DEFB123: variants seen among roughly 807,000 people sequenced by gnomAD.
DEFB123 encodes the protein defensin beta 123.
For synonymous variants in DEFB123, 22 were observed against 28.3 expected, an observed-to-expected ratio of 0.78 and a Z score of 0.71; for missense variants, 71 against 75.0, an observed-to-expected ratio of 0.95 and a Z score of 0.20.
intron 1 of DEFB123, among the ~76,000 whole-genome samples, chr20:31,449,767 C>CAAAAAAAA (rs59939526): frequency 1.1e-4 from 6 of 52,518 alleles, no homozygotes; most frequent in Admixed American, 2.7e-4. Context: ...AGACTCATCT[C>CAAAAAAAA]AAAAAAAAAA....
At chr20:31,445,286 G>A (rs1044222526) in intron 1 of DEFB123, among the ~76,000 whole-genome samples, 3 of 152,126 alleles carry the variant, frequency 2.0e-5, no homozygotes, top group Admixed American at 2.0e-4. Flanking sequence ...TAGGACAATA[G>A]GAATCAATGA....
intron 1 of DEFB123, among the ~76,000 whole-genome samples, chr20:31,443,045 TAAG>T (rs1979505077): frequency 6.6e-6 from 1 of 152,134 alleles, no homozygotes; most frequent in African/African-American, 2.4e-5. Context: ...GATAGGAACA[TAAG>T]GAGGTGGGGT....
At chr20:31,442,596 C>CTTTTT (rs397865886) in intron 1 of DEFB123, among the ~76,000 whole-genome samples, 4 of 105,862 alleles carry the variant, frequency 3.8e-5, no homozygotes, top group Non-Finnish European at 5.6e-5. Flanking sequence ...AGGTCATTTG[C>CTTTTT]TTTTTTTTTT....
intron 1 of DEFB123, among the ~76,000 whole-genome samples, chr20:31,442,326 C>T (rs1366292781): frequency 6.6e-6 from 1 of 152,190 alleles, no homozygotes; most frequent in African/African-American, 2.4e-5. Context: ...GGAAAAGTAA[C>T]TTGATATGTC....
At chr20:31,441,812 A>G (rs1772398499) in intron 1 of DEFB123, among the ~76,000 whole-genome samples, 1 of 152,066 alleles carries the variant, frequency 6.6e-6, no homozygotes, top group South Asian at 2.1e-4. Context: ...GAAAGCCCAG[A>G]CCCCGGGTTA....
intron 1 of DEFB123, among the ~76,000 whole-genome samples, chr20:31,445,015 C>T (rs1293048686): frequency 1.3e-5 from 2 of 152,148 alleles, no homozygotes; most frequent in Non-Finnish European, 2.9e-5. Context: ...TTACTGGTTC[C>T]ATCTTCATCC....
chr20:31,440,746 G>A lies in DEFB123; in HGVS notation c.48G>A (p.Gln16=), dbSNP rs751765732. 1.2e-6 allele frequency: 2 copies of A among 1,613,468 alleles called. No homozygotes were observed. Among genetic ancestry groups the A allele is most frequent in the South Asian group, 2.2e-5 (2 of 91,076 alleles). The change falls in exon 1 of 2, where the codon CAG becomes CAA. Residue 16 remains glutamine (Q), a synonymous_variant. Transcript: ENST00000376309. ...LTLTVLLLLS[Q]LTPGGTQRCW... ...TGACTGTGCTGCTGCTCTTATCCCAGCTGACTCCAGGTAACCTGAACCTCC... is the reference window on the plus strand; with the variant it reads ...TGACTGTGCTGCTGCTCTTATCCCAACTGACTCCAGGTAACCTGAACCTCC...
intron 1 of DEFB123, among the ~76,000 whole-genome samples, chr20:31,441,058 T>G (rs1420560376): frequency 6.6e-6 from 1 of 152,126 alleles, no homozygotes; most frequent in Non-Finnish European, 1.5e-5. Flanking sequence ...GAGGCAGGTA[T>G]GGCCCTTTTG....
At chr20:31,448,775 G>T (rs774729847) in intron 1 of DEFB123, among the ~76,000 whole-genome samples, 1 of 151,626 alleles carries the variant, frequency 6.6e-6, no homozygotes, top group South Asian at 2.1e-4. Flanking sequence ...GCGATGGCAC[G>T]ATCTCAGCTC....
chr20:31,448,078 G>A (rs963357044), intron 1 of DEFB123, among the ~76,000 whole-genome samples: 4 of 151,876 alleles, frequency 2.6e-5, no homozygotes, highest in African/African-American at 7.2e-5. Flanking sequence ...GAGCCACCAC[G>A]TCTGGCCTAA....
At chr20:31,443,225 C>T (rs1979509013) in intron 1 of DEFB123, among the ~76,000 whole-genome samples, 1 of 152,174 alleles carries the variant, frequency 6.6e-6, no homozygotes, top group South Asian at 2.1e-4. Flanking sequence ...GATCTTCCAT[C>T]TGGTCCCCAA....
chr20:31,448,983 C>G (rs923712220), intron 1 of DEFB123, among the ~76,000 whole-genome samples: 1 of 151,700 alleles, frequency 6.6e-6, no homozygotes, highest in Non-Finnish European at 1.5e-5. Context: ...CCACCTTGGC[C>G]TCCCAAAGTG....
intron 1 of DEFB123, among the ~76,000 whole-genome samples, chr20:31,442,665 GA>G (rs1455285531): frequency 6.9e-6 from 1 of 144,196 alleles, no homozygotes; most frequent in Non-Finnish European, 1.5e-5. Context: ...CTGGAGTGTA[GA>G]GGCACGATCT....
At position 31,450,207 on chromosome 20, in the gene DEFB123, A is replaced by C. The variant is rs960966220; in HGVS notation, c.*33A>C. ...GAAGCCTGAAGCCATGAAAATGCAGATGAAGCTCCCAGTGGATTCCCACAC... is the reference window on the plus strand; with the variant it reads ...GAAGCCTGAAGCCATGAAAATGCAGCTGAAGCTCCCAGTGGATTCCCACAC... On this transcript the variant is annotated 3_prime_UTR_variant, in exon 2 of 2. Coordinates refer to ENST00000376309, the MANE Select transcript of DEFB123 (RefSeq NM_153324.4). 3 of 1,582,436 alleles carry C rather than the reference A, an allele frequency of 1.9e-6. No individual in the cohort carries two copies. In the East Asian group the frequency reaches 6.9e-5, roughly 36 times the overall value.
chr20:31,449,197 A>C (rs1233427575), intron 1 of DEFB123, among the ~76,000 whole-genome samples: 2 of 148,858 alleles, frequency 1.3e-5, no homozygotes, highest in African/African-American at 4.9e-5. Flanking sequence ...GTTATGGGTC[A>C]TATTTTCCTG....
At chr20:31,444,416 G>T (rs1385724294) in intron 1 of DEFB123, among the ~76,000 whole-genome samples, 2 of 152,070 alleles carry the variant, frequency 1.3e-5, no homozygotes, top group Non-Finnish European at 2.9e-5. Context: ...TTCTCTGAGG[G>T]TAGGTGTCTC....
intron 1 of DEFB123, among the ~76,000 whole-genome samples, chr20:31,446,771 T>G (rs1979594605): frequency 6.6e-6 from 1 of 152,198 alleles, no homozygotes. Context: ...TCTCCCAGCC[T>G]TTGTGCTATT....
intron 1 of DEFB123, among the ~76,000 whole-genome samples, chr20:31,448,878 A>AT (rs34804733): frequency 0.055 from 6,548 of 119,934 alleles, 303 homozygotes; most frequent in African/African-American, 0.12. Flanking sequence ...CGCCCAGCTA[A>AT]TTTTTTTTTT....
intron 1 of DEFB123, 46 bp from the exon 2 acceptor site, chr20:31,449,983 A>G (rs764213195): frequency 1.3e-6 from 2 of 1,534,418 alleles, no homozygotes; most frequent in South Asian, 2.5e-5. Context: ...TCCGGAGCCT[A>G]CTTGTTAGGA....
Sources: allele counts gnomAD v4.1 joint callset (sites outside exome capture counted in the v4.1 genomes callset), GRCh38; gene constraint gnomAD v4.1.1; transcripts MANE v1.5; gene names NCBI Gene and HGNC (gene_info 2026-07-23, HGNC 2026-07-21).